Variants in PPIL4 observed in about 807,000 individuals in gnomAD.
The protein encoded by PPIL4 is peptidylprolyl isomerase like 4, also known as peptidyl-prolyl cis-trans isomerase-like 4.
A neutral mutation model predicts 69.1 loss-of-function variants in PPIL4; 50 were observed. The ratio of observed to expected loss-of-function variants is 0.72; its 90% CI spans 0.58 to 0.92. The LOEUF (loss-of-function observed/expected upper bound fraction) is 0.92. Ranked by LOEUF, PPIL4 falls within the 40% of genes least tolerant of loss-of-function variation. PPIL4 has a pLI of 0.00. For synonymous variants in PPIL4, 193 were observed against 191.6 expected, an observed-to-expected ratio of 1.01 and a Z score of -0.06; for missense variants, 480 against 587.9, an observed-to-expected ratio of 0.82 and a Z score of 1.90.
intron 7 of PPIL4, among the ~76,000 whole-genome samples, chr6:149,527,351 C>T (rs1777123631): frequency 6.6e-6 from 1 of 152,120 alleles, no homozygotes; most frequent in Non-Finnish European, 1.5e-5. Flanking sequence ...GACTCCATCT[C>T]ATAAATAAAC....
At chr6:149,518,049 A>T (rs916838381) in intron 10 of PPIL4, among the ~76,000 whole-genome samples, 2 of 152,142 alleles carry the variant, frequency 1.3e-5, no homozygotes, top group Non-Finnish European at 2.9e-5. Flanking sequence ...CATCAGGCAA[A>T]TAGAAGAGGG....
At position 149,504,628 on chromosome 6, in the gene PPIL4, C is replaced by CA. The variant is rs1161801868; in HGVS notation, c.*824dup. The CA allele has an allele frequency of 6.6e-6, 1 of 152,194 alleles. No individual in the cohort carries two copies. Among genetic ancestry groups the CA allele is most frequent in the Non-Finnish European group, 1.5e-5 (1 of 68,036 alleles). 9.4% of individuals were successfully genotyped at this position (152,194 alleles called of 1,614,324 possible). On this transcript the variant is annotated 3_prime_UTR_variant, in exon 13 of 13. Coordinates refer to ENST00000253329, the MANE Select transcript of PPIL4 (RefSeq NM_139126.4). Reference sequence around the variant, plus strand: ...GAAATCACAGGTAGATACCACTTAACATCCACTAGGTTGGCAAATTTTTAA... The same window carrying CA: ...GAAATCACAGGTAGATACCACTTAACAATCCACTAGGTTGGCAAATTTTTAA...
intron 9 of PPIL4, among the ~76,000 whole-genome samples, chr6:149,522,760 GCAC>G (rs1167953445): frequency 6.6e-6 from 1 of 151,958 alleles, no homozygotes; most frequent in Non-Finnish European, 1.5e-5. Context: ...CTACAGGCAC[GCAC>G]CACCATGCCC....
intron 7 of PPIL4, among the ~76,000 whole-genome samples, chr6:149,532,778 T>G (rs1777218411): frequency 1.3e-5 from 2 of 152,170 alleles, no homozygotes; most frequent in South Asian, 4.1e-4. Flanking sequence ...CATACACCAC[T>G]GTACTCCAGC....
In PPIL4 at chr6:149,505,423, G is replaced by A. The variant is rs1474724429; in HGVS notation, c.*30C>T. ...TCTTAAGTTAGACAAGAGTAAATAT[G>A]TTAGCCTCTCAATTCTGCCTCTTCA... On this transcript the variant is annotated 3_prime_UTR_variant, in exon 13 of 13. Coordinates refer to ENST00000253329, the MANE Select transcript of PPIL4 (RefSeq NM_139126.4). 2.2e-5 allele frequency: 35 copies of A among 1,594,798 alleles called. No homozygotes were observed. The highest frequency in any genetic ancestry group is 3.0e-5 in the Non-Finnish European group (35 of 1,171,908).
intron 11 of PPIL4, 100 bp from the exon 12 acceptor site, chr6:149,512,402 T>A: frequency 1.2e-6 from 1 of 805,896 alleles, no homozygotes; most frequent in Non-Finnish European, 2.0e-6. Context: ...TAAAAGTAAC[T>A]AAAGCAAAAA....
intron 7 of PPIL4, among the ~76,000 whole-genome samples, chr6:149,528,789 C>T (rs1777146543): frequency 6.6e-6 from 1 of 152,148 alleles, no homozygotes; most frequent in Admixed American, 6.6e-5. Context: ...AACTTTATGC[C>T]TACACAAAAA....
intron 4 of PPIL4, 68 bp downstream of exon 4, chr6:149,540,874 A>T (rs897742942): frequency 9.1e-6 from 9 of 984,386 alleles, no homozygotes; most frequent in Non-Finnish European, 1.4e-5. Context: ...AGTTTAAAAA[A>T]TAACTCTGTG....
At chr6:149,543,274 C>A (rs1195808547) in intron 1 of PPIL4, among the ~76,000 whole-genome samples, 1 of 152,084 alleles carries the variant, frequency 6.6e-6, no homozygotes, top group African/African-American at 2.4e-5. Context: ...AGCTAAAGAA[C>A]AATTTATAGG....
intron 7 of PPIL4, among the ~76,000 whole-genome samples, chr6:149,528,658 T>C (rs1212531959): frequency 2.6e-5 from 4 of 152,240 alleles, no homozygotes; most frequent in African/African-American, 9.6e-5. Context: ...GAAACCCTCA[T>C]TCATTGCTGG....
intron 10 of PPIL4, among the ~76,000 whole-genome samples, chr6:149,518,598 C>T (rs1776981703): frequency 6.6e-6 from 1 of 152,110 alleles, no homozygotes; most frequent in Non-Finnish European, 1.5e-5. Flanking sequence ...ACTCCAGAAA[C>T]AAAAGTGGCC....
chr6:149,514,651 T>C (rs1776913990), intron 11 of PPIL4, among the ~76,000 whole-genome samples: 1 of 151,250 alleles, frequency 6.6e-6, no homozygotes. Context: ...CTGATGACTA[T>C]AATCCATCAA....
intron 12 of PPIL4, among the ~76,000 whole-genome samples, chr6:149,507,353 A>G (rs1776784345): frequency 6.6e-6 from 1 of 152,234 alleles, no homozygotes; most frequent in Non-Finnish European, 1.5e-5. Flanking sequence ...CACAATCCCA[A>G]TAGTTCTTGT....
At chr6:149,542,706 G>A (rs1777381889) in intron 1 of PPIL4, among the ~76,000 whole-genome samples, 2 of 152,156 alleles carry the variant, frequency 1.3e-5, no homozygotes, top group African/African-American at 4.8e-5. Context: ...TTCTGGCTAG[G>A]GAAATTAGAA....
In PPIL4 at chr6:149,534,710, G is replaced by A. The variant is rs1296278642; in HGVS notation, c.529C>T (p.Arg177Ter). The A allele has an allele frequency of 5.0e-6, 8 of 1,590,682 alleles. No individual in the cohort carries two copies. The highest frequency in any genetic ancestry group is 6.9e-6 in the Non-Finnish European group (8 of 1,162,756). The change falls in exon 6 of 13, where the codon CGA becomes TGA. Residue 177 changes from arginine to a stop codon, truncating the protein, a stop_gained. Coordinates refer to ENST00000253329, the MANE Select transcript of PPIL4 (RefSeq NM_139126.4). LOFTEE classifies it high-confidence loss of function. ...TGTTCCCTTGTAGGTTCTGGTGATC[G>A]ATCAGGGATTAATAAATCAGGAGGG... ...DDPPDLLIPD[R>*]SPEPTREQLD...
At chr6:149,535,570 A>C in intron 5 of PPIL4, 26 bp downstream of exon 5, 1 of 1,592,384 alleles carries the variant, frequency 6.3e-7, no homozygotes. Flanking sequence ...ATTCTAGTAC[A>C]TTCAGATAGC....
At chr6:149,505,790 AC>A in intron 12 of PPIL4, 86 bp from the exon 13 acceptor site, 1 of 1,279,222 alleles carries the variant, frequency 7.8e-7, no homozygotes, top group Non-Finnish European at 1.1e-6. Flanking sequence ...AGAAAAGTCT[AC>A]CATTAGAAGG....
chr6:149,507,171 T>C (rs1326826656), intron 12 of PPIL4, among the ~76,000 whole-genome samples: 2 of 152,220 alleles, frequency 1.3e-5, no homozygotes. Context: ...TTCAGAGTGA[T>C]GAATACCCAT....
At chr6:149,514,831 G>A (rs1366060302) in intron 11 of PPIL4, among the ~76,000 whole-genome samples, 1 of 151,366 alleles carries the variant, frequency 6.6e-6, no homozygotes, top group Non-Finnish European at 1.5e-5. Flanking sequence ...GACAAAAACT[G>A]TATTTTTTTT....
Sources: gnomAD v4.1 joint callset for allele counts (sites outside exome capture counted in the v4.1 genomes callset) on GRCh38, gnomAD v4.1.1 for gene constraint, MANE v1.5 for transcripts, NCBI Gene and HGNC (gene_info 2026-07-23, HGNC 2026-07-21) for gene names.